Variants in COL28A1 observed in about 807,000 individuals in gnomAD.
COL28A1 encodes the protein collagen type XXVIII alpha 1 chain.
In COL28A1, 161 loss-of-function variants were observed where a neutral mutation model predicts 150.2. The ratio of observed to expected loss-of-function variants is 1.07; its 90% CI spans 0.94 to 1.22. The LOEUF is 1.22. Among genes scored for constraint, COL28A1 ranks in the 50% most tolerant of loss-of-function variants. The pLI is 0.00. For synonymous variants in COL28A1, 552 were observed against 469.7 expected, an observed-to-expected ratio of 1.18 and a Z score of -2.26; for missense variants, 1,617 against 1,388.3, an observed-to-expected ratio of 1.16 and a Z score of -2.62.
At chr7:7,533,650 C>T (rs1012691240) in intron 1 of COL28A1, among the ~76,000 whole-genome samples, 28 of 152,208 alleles carry the variant, frequency 1.8e-4, no homozygotes, top group African/African-American at 6.7e-4. Flanking sequence ...GAAGCACCCC[C>T]TCTGAATAGC....
Position 7,432,861 on chromosome 7 carries a change from T to G in COL28A1, c.1861-161A>C, listed in dbSNP as rs189056752. ...CTTTAATTCTTAAAATTATAAATTTTTAGTGCATCGTAAATCAAGAAGAAG... is the reference window on the plus strand; with the variant it reads ...CTTTAATTCTTAAAATTATAAATTTGTAGTGCATCGTAAATCAAGAAGAAG... On this transcript the variant is annotated intron_variant, in intron 23 of 34. Transcript: ENST00000399429. 2.0e-3 allele frequency among the ~76,000 whole-genome samples: 302 copies of G among 152,304 alleles called. 1 individual carries two copies. The highest frequency in any genetic ancestry group is 6.8e-3 in the Middle Eastern group (2 of 294).
intron 27 of COL28A1, among the ~76,000 whole-genome samples, chr7:7,400,975 G>GGTGGGTGTGTGT (rs1554264683): frequency 3.4e-5 from 4 of 119,130 alleles, no homozygotes; most frequent in South Asian, 6.3e-4. Flanking sequence ...TGGGTATTTG[G>GGTGGGTGTGTGT]GTGTGTGTGT....
chr7:7,491,274 C>T (rs916182081), intron 11 of COL28A1, among the ~76,000 whole-genome samples: 1 of 152,172 alleles, frequency 6.6e-6, no homozygotes, highest in African/African-American at 2.4e-5. Flanking sequence ...CTCAGTTGGT[C>T]ACATGGCTCA....
At chr7:7,489,317 T>A (rs1289510136) in intron 13 of COL28A1, 72 bp downstream of exon 13, 2 of 840,276 alleles carry the variant, frequency 2.4e-6, no homozygotes, top group Non-Finnish European at 4.2e-6. Context: ...TCTGACCATT[T>A]ATCCTAAACA....
rs751457961 is a variant in COL28A1, at chr7:7,440,937, G to A, written c.1651-76C>T. ...CCCCTAATCTAGCAAGGACCATAGC[G>A]GAGCCGGATTCTCGACTAATACCAA... On this transcript the variant is annotated intron_variant, in intron 20 of 34. Coordinates refer to ENST00000399429, the MANE Select transcript of COL28A1 (RefSeq NM_001037763.3). 1.0e-3 allele frequency: 761 copies of A among 744,926 alleles called. 8 individuals are homozygous for A. The highest frequency in any genetic ancestry group is 1.7e-4 in the Non-Finnish European group (72 of 414,836). The allele number at this position is 744,926 out of a possible 1,614,324, so 46.1% of individuals were successfully genotyped here.
chr7:7,453,355 G>T, intron 17 of COL28A1, 85 bp downstream of exon 17: 1 of 808,782 alleles, frequency 1.2e-6, no homozygotes, highest in South Asian at 1.4e-5. Flanking sequence ...CATTCTACCT[G>T]CTGTCTTCCC....
intron 31 of COL28A1, among the ~76,000 whole-genome samples, chr7:7,374,060 T>TATATATATAC (rs1182312543): frequency 7.0e-5 from 10 of 142,946 alleles, no homozygotes; most frequent in Middle Eastern, 3.6e-3. Flanking sequence ...TATATATATA[T>TATATATATAC]ACTTGGAAAA....
rs142246507 is a variant in COL28A1 at position 7,443,478 on chromosome 7, T to C, written c.1650+107A>G. 4.2e-4 allele frequency: 645 copies of C among 1,520,776 alleles called. 1 individual carries two copies. The African/African-American group carries it at 7.7e-3, about 18-fold the overall frequency. The allele number at this position is 1,520,776 out of a possible 1,614,324, so 94.2% of individuals were successfully genotyped here. A position where few individuals can be genotyped will look rare whatever the true frequency, so the allele number is the denominator to read the frequency against. ...AGTATTCATACTTTTAAGCCAGACA[T>C]AAACACATTGACATAGTAAGAATAA... On this transcript the variant is annotated intron_variant, in intron 20 of 34. Coordinates refer to ENST00000399429, the MANE Select transcript of COL28A1 (RefSeq NM_001037763.3).
At chr7:7,371,221 T>G (rs1781208327) in intron 32 of COL28A1, among the ~76,000 whole-genome samples, 2 of 152,204 alleles carry the variant, frequency 1.3e-5, no homozygotes, top group South Asian at 4.1e-4. Flanking sequence ...GGCCAGCCAG[T>G]TGCAAATATT....
At chr7:7,449,861 T>C (rs1786548037) in intron 18 of COL28A1, among the ~76,000 whole-genome samples, 1 of 152,134 alleles carries the variant, frequency 6.6e-6, no homozygotes, top group Non-Finnish European at 1.5e-5. Context: ...ATTACAGCTT[T>C]ACTCTGTGGT....
chr7:7,503,873 A>G (rs1780665380), intron 11 of COL28A1, among the ~76,000 whole-genome samples: 1 of 152,200 alleles, frequency 6.6e-6, no homozygotes. Context: ...AACATTATCT[A>G]GAAATTGACA....
At chr7:7,397,235 T>C (rs551390844) in intron 27 of COL28A1, among the ~76,000 whole-genome samples, 1 of 152,128 alleles carries the variant, frequency 6.6e-6, no homozygotes, top group Non-Finnish European at 1.5e-5. Flanking sequence ...CCACCTGTAT[T>C]CAACAGTTTT....
At chr7:7,440,892 TC>T (rs749495841) in intron 20 of COL28A1, 31 bp from the exon 21 acceptor site, 1 of 1,100,010 alleles carries the variant, frequency 9.1e-7, no homozygotes, top group South Asian at 1.2e-5. Context: ...ATATAGATTT[TC>T]GTATGGTATT....
At chr7:7,419,839 C>T in intron 26 of COL28A1, 46 bp downstream of exon 26, 2 of 1,259,694 alleles carry the variant, frequency 1.6e-6, no homozygotes, top group Non-Finnish European at 1.1e-6. Flanking sequence ...TTGTTTGTCA[C>T]TGATGATATC....
chr7:7,386,450 T>C (rs1782189365), intron 27 of COL28A1, among the ~76,000 whole-genome samples: 2 of 152,196 alleles, frequency 1.3e-5, no homozygotes, highest in Admixed American at 6.5e-5. Context: ...GAATCCATCA[T>C]AGAGCTGTGG....
chr7:7,529,067 C>T (rs1422862782), intron 3 of COL28A1, among the ~76,000 whole-genome samples: 1 of 151,820 alleles, frequency 6.6e-6, no homozygotes, highest in East Asian at 1.9e-4. Flanking sequence ...TTTGGGAGGC[C>T]GAGGCGGGCA....
At chr7:7,353,534 A>G (rs1229660400), downstream of COL28A1, among the ~76,000 whole-genome samples, 3 of 152,174 alleles carry the variant, frequency 2.0e-5, no homozygotes, top group Admixed American at 1.3e-4. Context: ...GATTTGCCCT[A>G]AAGTTGGCTT....
the COL28A1 span, among the ~76,000 whole-genome samples, chr7:7,338,653 C>A: frequency 7.9e-5 from 12 of 152,110 alleles, no homozygotes; most frequent in Non-Finnish European, 1.5e-4. Flanking sequence ...TTGACCTCTT[C>A]TTTTCTTATT....
chr7:7,412,612 C>T (rs975689097), intron 27 of COL28A1, among the ~76,000 whole-genome samples: 2 of 152,058 alleles, frequency 1.3e-5, no homozygotes, highest in South Asian at 4.2e-4. Flanking sequence ...ATTACACATA[C>T]TATCTAATTT....
Sources: gnomAD v4.1 joint callset for allele counts (sites outside exome capture counted in the v4.1 genomes callset) on GRCh38, gnomAD v4.1.1 for gene constraint, MANE v1.5 for transcripts, NCBI Gene and HGNC (gene_info 2026-07-23, HGNC 2026-07-21) for gene names.